The following SCARF2 variants were observed in gnomAD, a reference collection of about 807,000 sequenced individuals.
The protein encoded by SCARF2 is scavenger receptor class F member 2.
A neutral mutation model predicts 73.4 loss-of-function variants in SCARF2; 39 were observed. The observed-to-expected ratio is 0.53, with a 90% CI of 0.41 to 0.69. The LOEUF is 0.69. Among genes scored for constraint, SCARF2 ranks in the 30% least tolerant of loss-of-function variants. SCARF2 has a pLI of 0.00. For missense variants in SCARF2, 1,148 were observed against 1,303.5 expected (o/e 0.88, Z 1.84); for synonymous variants, 605 against 590.0 (o/e 1.03, Z -0.37).
chr22:20,426,351 A>C (rs576179594), intron 10 of SCARF2, 69 bp from the exon 11 acceptor site: 5 of 1,502,474 alleles, frequency 3.3e-6, no homozygotes, highest in Non-Finnish European at 4.4e-6. Context: ...CTCCAGGCGC[A>C]AACCTTCACC....
In SCARF2 at chr22:20,429,434, C is replaced by A; in HGVS notation, c.1425-94G>T. ...GGAGCCAAGCACAGAAGGGGCGGGG[C>A]CACGTCCGGGGCAGGGGCGCGGAAG... On this transcript the variant is annotated intron_variant, in intron 8 of 10. Transcript: ENST00000622235. This position sits in a 1 kb window ranked among gnomAD's most constrained non-coding sequence, Gnocchi z 5.2. The A allele has an allele frequency of 6.4e-7, 1 of 1,560,672 alleles. No individual in the cohort carries two copies. Among genetic ancestry groups the A allele is most frequent in the Non-Finnish European group, 8.7e-7 (1 of 1,154,876 alleles).
chr22:20,430,493 C>T lies in SCARF2; in HGVS notation c.1138G>A (p.Gly380Ser), dbSNP rs775360492. The T allele has an allele frequency of 6.2e-6, 10 of 1,600,846 alleles. No homozygotes were observed. The highest frequency in any genetic ancestry group is 4.0e-5 in the African/African-American group (3 of 74,632). ...GACTGGAAGTCGCAGTGTCCGCTGCCGCAGTCGGCGCACACGAAGGCGCAG... is the reference window on the plus strand; with the variant it reads ...GACTGGAAGTCGCAGTGTCCGCTGCTGCAGTCGGCGCACACGAAGGCGCAG... The part of the protein sequence containing the change: ...EDCAFVCADC[G>S]SGHCDFQSGR... Residue 380 changes from glycine (G) to serine (S), a missense_variant, in exon 6 of 11, where the codon GGC becomes AGC. Coordinates refer to ENST00000622235, the MANE Select transcript of SCARF2 (RefSeq NM_182895.5).
At chr22:20,436,277 A>C (rs978701138) in intron 1 of SCARF2, among the ~76,000 whole-genome samples, 1 of 152,124 alleles carries the variant, frequency 6.6e-6, no homozygotes, top group African/African-American at 2.4e-5. Context: ...GGACAGCTAG[A>C]GCCTGGCACC....
Position 20,431,737 on chromosome 22 carries a change from A to G in SCARF2, c.334+8T>C, listed in dbSNP as rs1235864620. On this transcript the variant is annotated splice_region_variant and intron_variant, in intron 3 of 10. Transcript: ENST00000622235. ...CACCGACCAATACCGGCCCGACCCC[A>G]CGCTCACTGGTGTCGCAGTTGGCAC... The G allele has an allele frequency of 7.2e-7, 1 of 1,386,768 alleles. No homozygotes were observed. The highest frequency in any genetic ancestry group is 1.2e-5 in the South Asian group (1 of 82,472). The allele number at this position is 1,386,768 out of a possible 1,614,324, so 85.9% of individuals were successfully genotyped here.
intron 1 of SCARF2, 32 bp from the exon 2 acceptor site, chr22:20,432,020 T>C: frequency 6.3e-7 from 1 of 1,590,872 alleles, no homozygotes; most frequent in South Asian, 1.1e-5. Context: ...CTAAGCCCGA[T>C]GCCCCTCCCC....
chr22:20,437,437 G>A, intron 1 of SCARF2, 145 bp downstream of exon 1: 1 of 873,408 alleles, frequency 1.1e-6, no homozygotes, highest in Non-Finnish European at 1.7e-6. Flanking sequence ...GCTGGGCCTG[G>A]AACGGAGCCG....
chr22:20,427,281 G>C, intron 10 of SCARF2, 117 bp downstream of exon 10: 2 of 1,288,920 alleles, frequency 1.6e-6, no homozygotes, highest in Non-Finnish European at 2.2e-6. Flanking sequence ...GTACCAGCAT[G>C]GCCAAGGCCT....
chr22:20,427,340 C>A, intron 10 of SCARF2, 58 bp downstream of exon 10: 10 of 1,606,018 alleles, frequency 6.2e-6, no homozygotes, highest in South Asian at 1.1e-5. Context: ...CAGAACACAG[C>A]TTTTCCATGG....
chr22:20,430,657 C>A (rs372250050), intron 5 of SCARF2, 33 bp downstream of exon 5: 31 of 1,597,814 alleles, frequency 1.9e-5, no homozygotes, highest in Non-Finnish European at 2.6e-5. Flanking sequence ...CGGGGGACTG[C>A]GTGTCTGGGC....
chr22:20,431,803 G>A lies in SCARF2; in HGVS notation c.276C>T (p.Cys92=). The change falls in exon 3 of 11, where the codon TGC becomes TGT. Residue 92 remains cysteine, a synonymous_variant. Coordinates refer to ENST00000622235, the MANE Select transcript of SCARF2 (RefSeq NM_182895.5). ...GGCAGCGGCACTCGCCAGGCCTCACGCACACCTCGTTCTCTGAGCACGTGG... is the reference window on the plus strand; with the variant it reads ...GGCAGCGGCACTCGCCAGGCCTCACACACACCTCGTTCTCTGAGCACGTGG... The part of the protein sequence containing the change: ...GNSTCSENEV[C]VRPGECRCRH... 1 of 1,597,402 alleles carries A rather than the reference G, an allele frequency of 6.3e-7. No individual in the cohort carries two copies. Among genetic ancestry groups the A allele is most frequent in the Non-Finnish European group, 8.5e-7 (1 of 1,173,230 alleles).
rs1380558621 is a variant in SCARF2, at chr22:20,437,656, C to T, written c.99G>A (p.Leu33=). The T allele has an allele frequency of 5.5e-6, 8 of 1,466,910 alleles. No individual in the cohort carries two copies. The highest frequency in any genetic ancestry group is 1.5e-5 in the African/African-American group (1 of 68,760). 90.9% of individuals were successfully genotyped at this position (1,466,910 alleles called of 1,614,324 possible). The change falls in exon 1 of 11, where the codon CTG becomes CTA. Residue 33 remains leucine, a synonymous_variant. Transcript: ENST00000622235. ...PLLPSLLLLL[L]LWMLPDTVAP... is the part of the protein sequence containing the mutation. ...CCACGGTGTCCGGCAGCATCCAGAG[C>T]AGCAGCAGCAGCAGCAGCGACGGCA...
At chr22:20,433,559 C>T in intron 1 of SCARF2, among the ~76,000 whole-genome samples, 1 of 152,306 alleles carries the variant, frequency 6.6e-6, no homozygotes, top group East Asian at 1.9e-4. Flanking sequence ...AATACCACCC[C>T]TTGTACAGAG....
intron 9 of SCARF2, among the ~76,000 whole-genome samples, chr22:20,428,581 G>A (rs1353331064): frequency 6.6e-6 from 1 of 152,172 alleles, no homozygotes; most frequent in Non-Finnish European, 1.5e-5. Context: ...TGAGATTACA[G>A]GCATGAGCCA....
At position 20,429,496 on chromosome 22, in the gene SCARF2, G is replaced by C. The variant is rs201633444; in HGVS notation, c.1424+40C>G. The C allele has an allele frequency of 5.9e-4, 947 of 1,607,478 alleles. 4 individuals are homozygous for C. In the African/African-American group the frequency reaches 0.011, roughly 19 times the overall value. On this transcript the variant is annotated intron_variant, in intron 8 of 10. Transcript: ENST00000622235. This position sits in a 1 kb window ranked among gnomAD's most constrained non-coding sequence, Gnocchi z 5.2. ...GGTCCGGTGGCACCCAGAGGGTGCG[G>C]CCTGAACCCAGGCGAAAGCGGGGCA...
rs753908704 is a variant in SCARF2, at chr22:20,429,374, C to A, written c.1425-34G>T. ...GCGGGGTCTGAGCGGAGGGGCGGGGCCGGGGCGGGGCCCAGGGGCGATTAG... is the reference window on the plus strand; with the variant it reads ...GCGGGGTCTGAGCGGAGGGGCGGGGACGGGGCGGGGCCCAGGGGCGATTAG... On this transcript the variant is annotated intron_variant, in intron 8 of 10. Transcript: ENST00000622235. The surrounding 1 kb of genome is among the most constrained non-coding windows in gnomAD (Gnocchi z 5.2). The A allele has an allele frequency of 7.3e-6, 11 of 1,507,976 alleles. No individual in the cohort carries two copies. The East Asian group carries it at 2.4e-4, about 33-fold the overall frequency. 93.4% of individuals were successfully genotyped at this position (1,507,976 alleles called of 1,614,324 possible). A position where few individuals can be genotyped will look rare whatever the true frequency, so the allele number is the denominator to read the frequency against.
At chr22:20,435,590 C>T (rs1008533832) in intron 1 of SCARF2, among the ~76,000 whole-genome samples, 1 of 152,234 alleles carries the variant, frequency 6.6e-6, no homozygotes, top group African/African-American at 2.4e-5. Context: ...GCCCAGCCTC[C>T]TGGATCCTTC....
In SCARF2 at chr22:20,429,396, T is replaced by C; in HGVS notation, c.1425-56A>G. On this transcript the variant is annotated intron_variant, in intron 8 of 10. Transcript: ENST00000622235. This position sits in a 1 kb window ranked among gnomAD's most constrained non-coding sequence, Gnocchi z 5.2. The stretch of plus-strand genomic sequence containing the variant: ...GGGCCGGGGCGGGGCCCAGGGGCGA[T>C]TAGATCTCGGCCGGAGCCAAGCACA... 3 of 1,556,160 alleles carry C rather than the reference T, an allele frequency of 1.9e-6. No homozygotes were observed. Among genetic ancestry groups the C allele is most frequent in the Non-Finnish European group, 2.6e-6 (3 of 1,150,442 alleles).
intron 9 of SCARF2, 46 bp from the exon 10 acceptor site, chr22:20,427,596 G>A (rs1375719843): frequency 6.2e-7 from 1 of 1,606,210 alleles, no homozygotes. Context: ...CTCTGCCCCA[G>A]CCGGTGCCCT....
intron 2 of SCARF2, 27 bp from the exon 3 acceptor site, chr22:20,431,873 T>A: frequency 6.3e-7 from 1 of 1,596,784 alleles, no homozygotes; most frequent in Non-Finnish European, 8.5e-7. Flanking sequence ...CCAGAGCTGC[T>A]GCGCGTCCTA....
Sources: gnomAD v4.1 joint callset for allele counts (sites outside exome capture counted in the v4.1 genomes callset) on GRCh38, gnomAD v4.1.1 for gene constraint, Gnocchi (gnomAD v3.1) non-coding constraint, MANE v1.5 for transcripts, NCBI Gene and HGNC (gene_info 2026-07-23, HGNC 2026-07-21) for gene names.